FBXL18: variants seen among roughly 807,000 people sequenced by gnomAD.
FBXL18 encodes the protein F-box/LRR-repeat protein 18.
A neutral mutation model predicts 46.0 loss-of-function variants in FBXL18; 36 were observed. That is an observed-to-expected ratio of 0.78 (90% CI 0.60 to 1.03). FBXL18 has a LOEUF of 1.03. FBXL18 is among the 50% of genes least tolerant of loss of function. The pLI is 0.00. For synonymous variants in FBXL18, 557 were observed against 465.3 expected, an observed-to-expected ratio of 1.20 and a Z score of -2.54; for missense variants, 977 against 1,004.1, an observed-to-expected ratio of 0.97 and a Z score of 0.36.
chr7:5,493,618 A>C (rs1160000173), intron 3 of FBXL18, among the ~76,000 whole-genome samples: 4 of 151,396 alleles, frequency 2.6e-5, no homozygotes, highest in Admixed American at 6.6e-5. Flanking sequence ...TAAAAGAATA[A>C]AGGAAGTGTG....
intron 4 of FBXL18, among the ~76,000 whole-genome samples, chr7:5,488,661 C>G (rs1783836237): frequency 1.3e-5 from 2 of 152,224 alleles, no homozygotes; most frequent in African/African-American, 4.8e-5. Flanking sequence ...TCTAGGTGCA[C>G]AGTCGCAGCC....
chr7:5,462,965 AAAAAAT>A (rs1277121408), intron 4 of FBXL18, among the ~76,000 whole-genome samples: 1 of 18,354 alleles, frequency 5.4e-5, no homozygotes, highest in African/African-American at 1.3e-4. Flanking sequence ...AAAAAAAAAA[AAAAAAT>A]ATATATATAT....
chr7:5,510,686 CAA>C (rs35968318), intron 1 of FBXL18, among the ~76,000 whole-genome samples: 36 of 96,628 alleles, frequency 3.7e-4, no homozygotes, highest in Admixed American at 6.7e-4. Flanking sequence ...ATCCTGTCTC[CAA>C]AAAAAAAAAA....
At position 5,455,818 on chromosome 7, in the gene FBXL18, C is replaced by T. The variant is rs964922668; in HGVS notation, c.2001-7975G>A. ...CCATGGCGCCAGGAGAGAGTTTGGTCCTTCAGCAAGATCACACTCTTCTCC... is the reference window on the plus strand; with the variant it reads ...CCATGGCGCCAGGAGAGAGTTTGGTTCTTCAGCAAGATCACACTCTTCTCC... On this transcript the variant is annotated intron_variant and NMD_transcript_variant, in intron 4 of 6. Transcript: ENST00000415009. The surrounding 1 kb of genome is among the most constrained non-coding windows in gnomAD (Gnocchi z 4.6). Among the ~76,000 whole-genome samples, 1 of 151,224 alleles carries T rather than the reference C, an allele frequency of 6.6e-6. No individual in the cohort carries two copies. The highest frequency in any genetic ancestry group is 1.5e-5 in the Non-Finnish European group (1 of 67,948).
At position 5,463,747 on chromosome 7, in the gene FBXL18, T is replaced by A. The variant is rs1334351959; in HGVS notation, c.2001-15904A>T. On this transcript the variant is annotated intron_variant and NMD_transcript_variant, in intron 4 of 6. Transcript: ENST00000415009. ...TTATTTATTTTTTTTTTTTTTTTTT[T>A]TTTTTTTTTTTGAGACGGAGTCTCG... 7.7e-3 allele frequency among the ~76,000 whole-genome samples: 490 copies of A among 63,488 alleles called. 4 individuals carry two copies. Among genetic ancestry groups the A allele is most frequent in the Middle Eastern group, 0.01 (1 of 98 alleles). 41.7% of individuals were successfully genotyped at this position (63,488 alleles called of 152,430 possible). A position where few individuals can be genotyped will look rare whatever the true frequency, so the allele number is the denominator to read the frequency against.
At position 5,480,478 on chromosome 7, in the gene FBXL18, A is replaced by G. The variant is rs1287374932; in HGVS notation, c.*1297T>C. On this transcript the variant is annotated 3_prime_UTR_variant, in exon 5 of 5. Coordinates refer to ENST00000382368, the MANE Select transcript of FBXL18 (RefSeq NM_024963.6). ...GAGATGGGGTATCCCTGTGTTGCCCAGGCTGATCTCAAACTCCTGGGCTCA... is the reference window on the plus strand; with the variant it reads ...GAGATGGGGTATCCCTGTGTTGCCCGGGCTGATCTCAAACTCCTGGGCTCA... The G allele has an allele frequency of 2.0e-5, 3 of 149,894 alleles. No homozygotes were observed. Among genetic ancestry groups the G allele is most frequent in the Non-Finnish European group, 4.4e-5 (3 of 67,752 alleles). 9.3% of individuals were successfully genotyped at this position (149,894 alleles called of 1,614,324 possible). A position where few individuals can be genotyped will look rare whatever the true frequency, so the allele number is the denominator to read the frequency against.
chr7:5,490,238 G>T, intron 4 of FBXL18: 1 of 1,310,906 alleles, frequency 7.6e-7, no homozygotes, highest in Non-Finnish European at 1.0e-6. Context: ...CACTCAGGGC[G>T]TTCATGTCCT....
At chr7:5,464,934 G>A (rs1374468266) in intron 4 of FBXL18, among the ~76,000 whole-genome samples, 13 of 151,252 alleles carry the variant, frequency 8.6e-5, no homozygotes, top group Admixed American at 5.3e-4. Flanking sequence ...GTGGTGGTGC[G>A]CGCCTGTAAT....
At chr7:5,474,678 ACTTTATTTTTTATTT>A (rs1562677954), downstream of FBXL18, among the ~76,000 whole-genome samples, 1 of 15,246 alleles carries the variant, frequency 6.6e-5, no homozygotes, top group Non-Finnish European at 1.1e-4. Flanking sequence ...CAAATTATGC[ACTTTATTTTTTATTT>A]ATTTATTTAT....
chr7:5,491,413 G>T lies in FBXL18; in HGVS notation c.1818C>A (p.Phe606Leu), dbSNP rs771849676. 6.2e-7 allele frequency: 1 copy of T among 1,601,828 alleles called. No individual in the cohort carries two copies. The highest frequency in any genetic ancestry group is 8.5e-7 in the Non-Finnish European group (1 of 1,175,634). The change falls in exon 4 of 5, where the codon TTC (phenylalanine) becomes TTA (leucine). Residue 606 changes from phenylalanine (F) to leucine (L), a missense_variant. Transcript: ENST00000382368. ...AGGGGCACTGGCTCAGCGCCTGGAA[G>T]AACTGGGCGTTGGCGCTGAAGTAGG... Reference protein sequence around the residue: ...EQPYFSANAQFFQALSQCPSL... With the variant: ...EQPYFSANAQLFQALSQCPSL...
At chr7:5,510,354 G>A (rs545233439) in intron 1 of FBXL18, among the ~76,000 whole-genome samples, 1 of 150,108 alleles carries the variant, frequency 6.7e-6, no homozygotes, top group South Asian at 2.1e-4. Flanking sequence ...TGCAGCCTGG[G>A]CAATGTGGCA....
Position 5,478,966 on chromosome 7 carries a change from G to A in FBXL18, c.*2809C>T, listed in dbSNP as rs1048664138. ...GAGCTCTGCCAATTGGGGACCATTA[G>A]GGTGGGTTCTTTTCCCAGCATCAAA... On this transcript the variant is annotated 3_prime_UTR_variant, in exon 5 of 5. Coordinates refer to ENST00000382368, the MANE Select transcript of FBXL18 (RefSeq NM_024963.6). 1 of 152,248 alleles carries A rather than the reference G, an allele frequency of 6.6e-6. No individual in the cohort carries two copies. Among genetic ancestry groups the A allele is most frequent in the Non-Finnish European group, 1.5e-5 (1 of 68,042 alleles). 9.4% of individuals were successfully genotyped at this position (152,248 alleles called of 1,614,324 possible). A position where few individuals can be genotyped will look rare whatever the true frequency, so the allele number is the denominator to read the frequency against.
intron 3 of FBXL18, among the ~76,000 whole-genome samples, chr7:5,497,030 CAAA>C (rs34719109): frequency 1.4e-5 from 1 of 69,458 alleles, no homozygotes; most frequent in African/African-American, 6.1e-5. Flanking sequence ...GACTCTGTCT[CAAA>C]AAAAAAAAAA....
chr7:5,509,701 C>CAAAAAAAAAAAAAAAA (rs761762119), intron 1 of FBXL18, among the ~76,000 whole-genome samples: 21 of 65,482 alleles, frequency 3.2e-4, no homozygotes, highest in Non-Finnish European at 4.8e-4. Flanking sequence ...GATTCCATCT[C>CAAAAAAAAAAAAAAAA]AAAAAAAAAA....
At position 5,493,496 on chromosome 7, in the gene FBXL18, C is replaced by T. The variant is rs554012878; in HGVS notation, c.1782-2047G>A. ...ATTTTTAGTAGAGATGGGGTTTCAC[C>T]GTGTTAGCCAGGATGGTCTCAATCT... On this transcript the variant is annotated intron_variant, in intron 3 of 4. Transcript: ENST00000382368. Among the ~76,000 whole-genome samples, 27 of 152,134 alleles carry T rather than the reference C, an allele frequency of 1.8e-4. No individual in the cohort carries two copies. In the East Asian group the frequency reaches 2.3e-3, roughly 13 times the overall value.
At chr7:5,485,582 GGTGGGAA>G (rs1457182509) in intron 4 of FBXL18, among the ~76,000 whole-genome samples, 4 of 152,114 alleles carry the variant, frequency 2.6e-5, no homozygotes, top group Non-Finnish European at 5.9e-5. Context: ...GGGAAGCTGA[GGTGGGAA>G]GATCACTTGA....
chr7:5,501,408 C>A lies in FBXL18; in HGVS notation c.861G>T (p.Ala287=). The A allele has an allele frequency of 6.2e-7, 1 of 1,613,658 alleles. No homozygotes were observed. The highest frequency in any genetic ancestry group is 1.3e-5 in the African/African-American group (1 of 74,998). Reference sequence around the variant, plus strand: ...GCAGGGCATCCAGCACGACATTGCGCGCCATGGAGTCCAGGAGGTTCTTGG... The same window carrying A: ...GCAGGGCATCCAGCACGACATTGCGAGCCATGGAGTCCAGGAGGTTCTTGG... The part of the protein sequence containing the change: ...GATKNLLDSM[A]RNVVLDALQL... Residue 287 remains alanine (A), a synonymous_variant, in exon 3 of 5, where the codon GCG becomes GCT. Coordinates refer to ENST00000382368, the MANE Select transcript of FBXL18 (RefSeq NM_024963.6).
At chr7:5,468,186 T>G (rs1256647301) in intron 4 of FBXL18, among the ~76,000 whole-genome samples, 1 of 152,086 alleles carries the variant, frequency 6.6e-6, no homozygotes, top group Non-Finnish European at 1.5e-5. Context: ...GGTTTCACCG[T>G]GTTAGCCAGG....
At position 5,455,699 on chromosome 7, in the gene FBXL18, G is replaced by A. The variant is rs769123827; in HGVS notation, c.2001-7856C>T. 6.6e-6 allele frequency among the ~76,000 whole-genome samples: 1 copy of A among 151,818 alleles called. No homozygotes were observed. On this transcript the variant is annotated intron_variant and NMD_transcript_variant, in intron 4 of 6. Transcript: ENST00000415009. This position sits in a 1 kb window ranked among gnomAD's most constrained non-coding sequence, Gnocchi z 4.6. ...CCCAGGCTGTGAATTCGGGGAAGTG[G>A]GAAACAGAACTTTTTGGATGTCCCT...
Sources: gnomAD v4.1 joint callset for allele counts (sites outside exome capture counted in the v4.1 genomes callset) on GRCh38, gnomAD v4.1.1 for gene constraint, Gnocchi (gnomAD v3.1) non-coding constraint, MANE v1.5 for transcripts, NCBI Gene and HGNC (gene_info 2026-07-23, HGNC 2026-07-21) for gene names.